The following FLRT2 variants were observed in gnomAD, a reference collection of about 807,000 sequenced individuals.
The protein encoded by FLRT2 is leucine-rich repeat transmembrane protein FLRT2.
Under a neutral mutation model 40.0 loss-of-function variants are expected in FLRT2, and 15 were observed. That is an observed-to-expected ratio of 0.38 (90% confidence interval 0.25 to 0.58). The LOEUF (loss-of-function observed/expected upper bound fraction) is 0.58, where lower values mean the gene tolerates loss of function less well. Among genes scored for constraint, FLRT2 ranks in the 20% least tolerant of loss-of-function variants. The pLI, the probability that FLRT2 is intolerant of heterozygous loss-of-function variation, is 0.71. For missense variants in FLRT2, 726 were observed against 840.0 expected, an observed-to-expected ratio of 0.86 and a Z score of 1.68; for synonymous variants, 380 against 336.8, an observed-to-expected ratio of 1.13 and a Z score of -1.41.
chr14:85,544,483 T>C (rs1247261234), intron 1 of FLRT2, among the ~76,000 whole-genome samples: 2 of 152,210 alleles, frequency 1.3e-5, no homozygotes, highest in African/African-American at 2.4e-5. Flanking sequence ...TGCTCTCTTC[T>C]TTATTTTTTG....
Position 85,591,769 on chromosome 14 carries a change from G to A in FLRT2, c.-376-29370G>A, listed in dbSNP as rs528445332. On this transcript the variant is annotated intron_variant, in intron 1 of 1. Transcript: ENST00000330753. ...TAACAAATCTCCATTTATCTAGGGCGGTAGGCAACTAAATGTTTCTTCTTA... is the reference window on the plus strand; with the variant it reads ...TAACAAATCTCCATTTATCTAGGGCAGTAGGCAACTAAATGTTTCTTCTTA... Among the ~76,000 whole-genome samples the A allele has an allele frequency of 3.3e-5, 5 of 152,178 alleles. No individual in the cohort carries two copies. In the South Asian group the frequency reaches 8.3e-4, roughly 25 times the overall value.
chr14:85,578,835 G>A (rs927465765), intron 1 of FLRT2, among the ~76,000 whole-genome samples: 1 of 152,160 alleles, frequency 6.6e-6, no homozygotes, highest in Non-Finnish European at 1.5e-5. Flanking sequence ...CATGAGAGGA[G>A]TTAACTGAGT....
chr14:85,583,220 G>T (rs1891469110), intron 1 of FLRT2, among the ~76,000 whole-genome samples: 1 of 152,120 alleles, frequency 6.6e-6, no homozygotes, highest in African/African-American at 2.4e-5. Context: ...ATACAAGGGA[G>T]ATTTATTTAT....
In FLRT2 at chr14:85,620,229, G is replaced by C. The variant is rs367991080; in HGVS notation, c.-376-910G>C. The stretch of plus-strand genomic sequence containing the variant: ...ACGTTTATACTACTTTTTTTTCTTT[G>C]AAAAATTTTTTCTTTGAATTTCTTT... On this transcript the variant is annotated intron_variant, in intron 1 of 1. Coordinates refer to ENST00000330753, the MANE Select transcript of FLRT2 (RefSeq NM_013231.6). Among the ~76,000 whole-genome samples, 8 of 152,014 alleles carry C rather than the reference G, an allele frequency of 5.3e-5. No homozygotes were observed. In the East Asian group the frequency reaches 1.5e-3, roughly 29 times the overall value.
chr14:85,605,953 A>C (rs2753623), intron 1 of FLRT2, among the ~76,000 whole-genome samples: 125,374 of 151,996 alleles, frequency 0.82, 51,748 homozygotes, highest in East Asian at 0.88. Context: ...TATTATATTG[A>C]GATGAAAGAT....
chr14:85,599,844 G>A (rs1892306725), intron 1 of FLRT2, among the ~76,000 whole-genome samples: 1 of 152,112 alleles, frequency 6.6e-6, no homozygotes, highest in Non-Finnish European at 1.5e-5. Flanking sequence ...CACATAGCTA[G>A]GAAGTGTTAG....
In FLRT2 at chr14:85,622,643, G is replaced by A; in HGVS notation, c.1129G>A (p.Ala377Thr). 6.2e-7 allele frequency: 1 copy of A among 1,613,808 alleles called. No homozygotes were observed. The highest frequency in any genetic ancestry group is 8.5e-7 in the Non-Finnish European group (1 of 1,179,998). ...LPLFTPAPST[A>T]SPTTQPPTLS... ...TCTCTTCACCCCAGCCCCAAGTACA[G>A]CTTCTCCGACCACTCAGCCTCCCAC... The change falls in exon 2 of 2, where the codon GCT becomes ACT. Residue 377 changes from alanine (A) to threonine (T), a missense_variant. Physicochemically the swap from Ala to Thr is moderately conservative, Grantham distance 58. This residue lies in a region of FLRT2 where 611 missense variants were observed against 690.0 expected (regional missense o/e 0.89). Transcript: ENST00000330753.
chr14:85,533,470 C>A (rs950839716), intron 1 of FLRT2, among the ~76,000 whole-genome samples: 1 of 151,992 alleles, frequency 6.6e-6, no homozygotes, highest in Non-Finnish European at 1.5e-5. Flanking sequence ...ACACACGCGT[C>A]GGAGGAGAGC....
At chr14:85,540,941 T>C (rs1888951159) in intron 1 of FLRT2, among the ~76,000 whole-genome samples, 1 of 152,180 alleles carries the variant, frequency 6.6e-6, no homozygotes, top group African/African-American at 2.4e-5. Context: ...TGTAGGTATA[T>C]ATGTGGGGAG....
chr14:85,623,237 C>G lies in FLRT2; in HGVS notation c.1723C>G (p.Gln575Glu). The G allele has an allele frequency of 6.6e-7, 1 of 1,521,170 alleles. No homozygotes were observed. Among genetic ancestry groups the G allele is most frequent in the Non-Finnish European group, 8.8e-7 (1 of 1,135,426 alleles). 94.2% of individuals were successfully genotyped at this position (1,521,170 alleles called of 1,614,324 possible). The change falls in exon 2 of 2, where the codon CAG becomes GAG. Residue 575 changes from glutamine to glutamate, a missense_variant. Gln to Glu is a conservative substitution (Grantham distance 29, BLOSUM62 2). This residue lies in a region of FLRT2 where 611 missense variants were observed against 690.0 expected (regional missense o/e 0.89). Coordinates refer to ENST00000330753, the MANE Select transcript of FLRT2 (RefSeq NM_013231.6). ...GCACAAAAAGGGGCGCTACACCTCCCAGAAGTGGAAATACAACCGGGGCCG... is the reference window on the plus strand; with the variant it reads ...GCACAAAAAGGGGCGCTACACCTCCGAGAAGTGGAAATACAACCGGGGCCG... Reference protein sequence around the residue: ...HMHKKGRYTSQKWKYNRGRRK... With the variant: ...HMHKKGRYTSEKWKYNRGRRK...
chr14:85,530,542 G>A lies in FLRT2; in HGVS notation c.-377+8G>A, dbSNP rs550760745. 6.5e-6 allele frequency: 1 copy of A among 152,798 alleles called. No homozygotes were observed. The highest frequency in any genetic ancestry group is 1.9e-4 in the East Asian group (1 of 5,172). The allele number at this position is 152,798 out of a possible 1,614,324, so 9.5% of individuals were successfully genotyped here. A position where few individuals can be genotyped will look rare whatever the true frequency, so the allele number is the denominator to read the frequency against. On this transcript the variant is annotated splice_region_variant and intron_variant, in intron 1 of 1. Coordinates refer to ENST00000330753, the MANE Select transcript of FLRT2 (RefSeq NM_013231.6). ...AGAAGACGCAGCCGTCAGGTAAAAG[G>A]GGCTGCGTTGCCAGGTGAAGTTTCC...
rs1487339066 is a variant in FLRT2, at chr14:85,653,246, C to G, written c.*29749C>G. On this transcript the variant is annotated 3_prime_UTR_variant, in exon 2 of 2. Transcript: ENST00000330753. ...GAAATGTTTTGAGCAAAGTTGTAACCCTGCCCACAAAATAGCTTTGCTAGG... is the reference window on the plus strand; with the variant it reads ...GAAATGTTTTGAGCAAAGTTGTAACGCTGCCCACAAAATAGCTTTGCTAGG... 1 of 152,006 alleles carries G rather than the reference C, an allele frequency of 6.6e-6. No individual in the cohort carries two copies. Among genetic ancestry groups the G allele is most frequent in the Non-Finnish European group, 1.5e-5 (1 of 68,018 alleles). The allele number at this position is 152,006 out of a possible 1,614,324, so 9.4% of individuals were successfully genotyped here. A position where few individuals can be genotyped will look rare whatever the true frequency, so the allele number is the denominator to read the frequency against.
intron 1 of FLRT2, among the ~76,000 whole-genome samples, chr14:85,569,889 G>A (rs1211194545): frequency 6.6e-6 from 1 of 152,218 alleles, no homozygotes; most frequent in African/African-American, 2.4e-5. Flanking sequence ...AGATTGAATT[G>A]TAGGATCACG....
In FLRT2 at chr14:85,623,538, C is replaced by T. The variant is rs755597713; in HGVS notation, c.*41C>T. 2.9e-6 allele frequency: 4 copies of T among 1,389,048 alleles called. No homozygotes were observed. The highest frequency in any genetic ancestry group is 1.4e-5 in the African/African-American group (1 of 68,994). 86.0% of individuals were successfully genotyped at this position (1,389,048 alleles called of 1,614,324 possible). A position where few individuals can be genotyped will look rare whatever the true frequency, so the allele number is the denominator to read the frequency against. On this transcript the variant is annotated 3_prime_UTR_variant, in exon 2 of 2. Transcript: ENST00000330753. ...CGTTATCAAGGCGGACAATTAGACT[C>T]TTGAGAACACACTCGTGTGTGCACA... is the stretch of plus-strand genomic sequence containing the variant.
rs1478960014 is a variant in FLRT2, at chr14:85,647,469, T to A, written c.*23972T>A. The A allele has an allele frequency of 2.6e-5, 4 of 152,184 alleles. No homozygotes were observed. Among genetic ancestry groups the A allele is most frequent in the African/African-American group, 7.2e-5 (3 of 41,450 alleles). 9.4% of individuals were successfully genotyped at this position (152,184 alleles called of 1,614,324 possible). Reference sequence around the variant, plus strand: ...CACAATATTTAGCTCTCCTTCCACATGATGTTGGGATATGATGGCTTAGAA... The same window carrying A: ...CACAATATTTAGCTCTCCTTCCACAAGATGTTGGGATATGATGGCTTAGAA... On this transcript the variant is annotated 3_prime_UTR_variant, in exon 2 of 2. Coordinates refer to ENST00000330753, the MANE Select transcript of FLRT2 (RefSeq NM_013231.6).
At chr14:85,530,712 C>A (rs1336700890) in intron 1 of FLRT2, among the ~76,000 whole-genome samples, 178 bp downstream of exon 1, 1 of 151,952 alleles carries the variant, frequency 6.6e-6, no homozygotes, top group Non-Finnish European at 1.5e-5. Flanking sequence ...CAGCTTAGCT[C>A]TCTCTCGACT....
chr14:85,610,936 C>T (rs1368284746), intron 1 of FLRT2, among the ~76,000 whole-genome samples: 3 of 152,078 alleles, frequency 2.0e-5, no homozygotes, highest in Non-Finnish European at 4.4e-5. Context: ...CACTTTGTTG[C>T]CCAGGCTGGA....
Position 85,643,735 on chromosome 14 carries a change from A to C in FLRT2, c.*20238A>C, listed in dbSNP as rs1487563205. 1 of 151,966 alleles carries C rather than the reference A, an allele frequency of 6.6e-6. No homozygotes were observed. Among genetic ancestry groups the C allele is most frequent in the Non-Finnish European group, 1.5e-5 (1 of 68,030 alleles). 9.4% of individuals were successfully genotyped at this position (151,966 alleles called of 1,614,324 possible). On this transcript the variant is annotated 3_prime_UTR_variant, in exon 2 of 2. Transcript: ENST00000330753. ...GGCATTTATTAATGCATTGATGAGG[A>C]CTCTCCTCTTTTAGATAGAGATGAA...
At chr14:85,612,348 T>A (rs772115618) in intron 1 of FLRT2, among the ~76,000 whole-genome samples, 10 of 152,198 alleles carry the variant, frequency 6.6e-5, no homozygotes, top group Admixed American at 3.9e-4. Context: ...TTCATTCACA[T>A]AATCAAGGCC....
Sources: allele counts gnomAD v4.1 joint callset (sites outside exome capture counted in the v4.1 genomes callset), GRCh38; gene constraint gnomAD v4.1.1; regional missense constraint gnomAD v4.1.1; transcripts MANE v1.5; gene names NCBI Gene and HGNC (gene_info 2026-07-23, HGNC 2026-07-21).